Variants in ARHGEF26 observed in about 807,000 individuals in gnomAD.
ARHGEF26 encodes Rho guanine nucleotide exchange factor 26, also known as Rho guanine nucleotide exchange factor (GEF) 26.
A neutral mutation model predicts 89.4 loss-of-function variants in ARHGEF26; 59 were observed. That is an observed-to-expected ratio of 0.66 (90% CI 0.54 to 0.82). The LOEUF is 0.82. Ranked by LOEUF, ARHGEF26 falls within the 40% of genes least tolerant of loss-of-function variation. The pLI is 0.00. For synonymous variants in ARHGEF26, 500 were observed against 428.4 expected (o/e 1.17, Z -2.06); for missense variants, 1,234 against 1,085.6 (o/e 1.14, Z -1.92).
At chr3:154,202,110 T>C (rs539966825) in intron 9 of ARHGEF26, among the ~76,000 whole-genome samples, 1,609 of 152,256 alleles carry the variant, frequency 0.011, 21 homozygotes, top group African/African-American at 0.037. Flanking sequence ...ATTGCCTAGG[T>C]TTTCTTCTAG....
At chr3:154,211,285 T>C (rs760908475) in intron 9 of ARHGEF26, among the ~76,000 whole-genome samples, 5 of 152,160 alleles carry the variant, frequency 3.3e-5, no homozygotes, top group Non-Finnish European at 7.3e-5. Flanking sequence ...CACAGAGTGC[T>C]GTAGGCCTTG....
At chr3:154,181,369 C>T (rs543717052) in intron 6 of ARHGEF26, among the ~76,000 whole-genome samples, 3 of 152,268 alleles carry the variant, frequency 2.0e-5, no homozygotes, top group Admixed American at 6.5e-5. Context: ...ATATGACCTT[C>T]TCTGGTAGGA....
chr3:154,177,803 T>C (rs867399581), intron 6 of ARHGEF26, among the ~76,000 whole-genome samples: 3 of 152,160 alleles, frequency 2.0e-5, no homozygotes, highest in South Asian at 2.1e-4. Flanking sequence ...ACATACAAAA[T>C]CCACTATCTG....
At position 154,255,984 on chromosome 3, in the gene ARHGEF26, T is replaced by C; in HGVS notation, c.*511T>C. ...CTTCGTTAACTTCAAAAGGAACTGG[T>C]AGAGTTCAGAAGGTGAGCTGTTGTT... On this transcript the variant is annotated 3_prime_UTR_variant, in exon 15 of 15. Transcript: ENST00000465093. 1 of 985,964 alleles carries C rather than the reference T, an allele frequency of 1.0e-6. No individual in the cohort carries two copies. Among genetic ancestry groups the C allele is most frequent in the Non-Finnish European group, 1.2e-6 (1 of 830,084 alleles). The allele number at this position is 985,964 out of a possible 1,614,324, so 61.1% of individuals were successfully genotyped here.
chr3:154,191,229 T>A, intron 7 of ARHGEF26, 60 bp from the exon 8 acceptor site: 1 of 1,523,340 alleles, frequency 6.6e-7, no homozygotes, highest in South Asian at 1.2e-5. Context: ...ACATTTTTAC[T>A]TGCTGCTTAA....
chr3:154,257,187 A>C lies in ARHGEF26; in HGVS notation c.*1714A>C. 2.1e-6 allele frequency: 1 copy of C among 471,206 alleles called. No homozygotes were observed. Among genetic ancestry groups the C allele is most frequent in the South Asian group, 3.9e-5 (1 of 25,826 alleles). 29.2% of individuals were successfully genotyped at this position (471,206 alleles called of 1,614,324 possible). A position where few individuals can be genotyped will look rare whatever the true frequency, so the allele number is the denominator to read the frequency against. On this transcript the variant is annotated 3_prime_UTR_variant, in exon 15 of 15. Coordinates refer to ENST00000465093, the MANE Select transcript of ARHGEF26 (RefSeq NM_015595.4). ...CCAGTGTGGGGCACTGGGGACTTCT[A>C]ACCCTTGGATTGCTCTTTTTGACCT...
At chr3:154,171,101 AAG>A (rs1712406842) in intron 6 of ARHGEF26, among the ~76,000 whole-genome samples, 1 of 152,162 alleles carries the variant, frequency 6.6e-6, no homozygotes, top group Admixed American at 6.5e-5. Flanking sequence ...TGCTCAGTGA[AAG>A]AAAGTGGTCT....
rs1269349626 is a variant in ARHGEF26, at chr3:154,255,544, TTTA to T, written c.*74_*76del. 3.3e-6 allele frequency: 5 copies of T among 1,528,102 alleles called. No homozygotes were observed. In the African/African-American group the frequency reaches 4.2e-5, roughly 13 times the overall value. 94.7% of individuals were successfully genotyped at this position (1,528,102 alleles called of 1,614,324 possible). A position where few individuals can be genotyped will look rare whatever the true frequency, so the allele number is the denominator to read the frequency against. ...CCGGGCTGGTTGGTTCTGGGCTAGT[TTTA>T]TTGTTAATTTTGTCACAGCCTATTT... On this transcript the variant is annotated 3_prime_UTR_variant, in exon 15 of 15. Coordinates refer to ENST00000465093, the MANE Select transcript of ARHGEF26 (RefSeq NM_015595.4).
chr3:154,214,920 A>C (rs1715623305), intron 9 of ARHGEF26, among the ~76,000 whole-genome samples: 1 of 152,222 alleles, frequency 6.6e-6, no homozygotes, highest in African/African-American at 2.4e-5. Context: ...GCTGTCATTG[A>C]AGACAGGTTT....
At chr3:154,210,268 A>G (rs1374606676) in intron 9 of ARHGEF26, among the ~76,000 whole-genome samples, 1 of 152,058 alleles carries the variant, frequency 6.6e-6, no homozygotes, top group African/African-American at 2.4e-5. Context: ...ACCTGAATCC[A>G]GGAAGTCTCA....
At chr3:154,139,831 A>G (rs1719248257) in intron 4 of ARHGEF26, among the ~76,000 whole-genome samples, 1 of 152,208 alleles carries the variant, frequency 6.6e-6, no homozygotes, top group Non-Finnish European at 1.5e-5. Flanking sequence ...TCTTAATATT[A>G]GGATGTTTAT....
At chr3:154,212,014 C>T (rs146669054) in intron 9 of ARHGEF26, among the ~76,000 whole-genome samples, 26 of 152,122 alleles carry the variant, frequency 1.7e-4, no homozygotes, top group East Asian at 5.8e-4. Context: ...TCTGTAAGAA[C>T]GTATTTAAGT....
At chr3:154,140,288 A>AG in intron 4 of ARHGEF26, among the ~76,000 whole-genome samples, 1 of 152,330 alleles carries the variant, frequency 6.6e-6, no homozygotes, top group East Asian at 1.9e-4. Flanking sequence ...CAATGCCACG[A>AG]GGGTAAGTAC....
At chr3:154,222,217 A>G (rs1234584955) in intron 10 of ARHGEF26, among the ~76,000 whole-genome samples, 1 of 152,198 alleles carries the variant, frequency 6.6e-6, no homozygotes, top group Non-Finnish European at 1.5e-5. Context: ...TCTAATTTGG[A>G]GGAAAGTAAA....
At chr3:154,157,272 T>C (rs1720391642) in intron 6 of ARHGEF26, among the ~76,000 whole-genome samples, 1 of 152,160 alleles carries the variant, frequency 6.6e-6, no homozygotes, top group African/African-American at 2.4e-5. Flanking sequence ...CCGTTGGTTC[T>C]TGGGACCCAT....
chr3:154,149,329 GCC>G, intron 4 of ARHGEF26, 58 bp from the exon 5 acceptor site: 1 of 1,399,838 alleles, frequency 7.1e-7, no homozygotes, highest in Non-Finnish European at 9.9e-7. Context: ...CTTGAATAAT[GCC>G]CTTGAAACTT....
At chr3:154,151,347 C>G (rs980052748) in intron 5 of ARHGEF26, among the ~76,000 whole-genome samples, 3 of 152,156 alleles carry the variant, frequency 2.0e-5, no homozygotes, top group African/African-American at 7.2e-5. Flanking sequence ...GTTCTCAAAA[C>G]CCTCAATTAT....
At position 154,244,133 on chromosome 3, in the gene ARHGEF26, A is replaced by G. The variant is rs72994658; in HGVS notation, c.2300+3554A>G. Among the ~76,000 whole-genome samples, 802 of 152,330 alleles carry G rather than the reference A, an allele frequency of 5.3e-3. 10 individuals carry two copies. Among genetic ancestry groups the G allele is most frequent in the African/African-American group, 0.018 (764 of 41,578 alleles). The stretch of plus-strand genomic sequence containing the variant: ...CTAGCCTTAAGTAATTGAAGAACTT[A>G]GAGTCAGGTATATAATTTCACTACT... On this transcript the variant is annotated intron_variant, in intron 12 of 14. Coordinates refer to ENST00000465093, the MANE Select transcript of ARHGEF26 (RefSeq NM_015595.4).
At position 154,195,350 on chromosome 3, in the gene ARHGEF26, T is replaced by C. The variant is rs188439849; in HGVS notation, c.1845+632T>C. 3.9e-5 allele frequency among the ~76,000 whole-genome samples: 6 copies of C among 152,304 alleles called. No individual in the cohort carries two copies. In the East Asian group the frequency reaches 1.2e-3, roughly 29 times the overall value. ...ACTAGGGAACCAGCTGTGTGGGGCC[T>C]TGTTATACATGCTAGGCTGTTGGGG... On this transcript the variant is annotated intron_variant, in intron 9 of 14. Transcript: ENST00000465093.
Sources: gnomAD v4.1 joint callset for allele counts (sites outside exome capture counted in the v4.1 genomes callset) on GRCh38, gnomAD v4.1.1 for gene constraint, MANE v1.5 for transcripts, NCBI Gene and HGNC (gene_info 2026-07-23, HGNC 2026-07-21) for gene names.